The following ADGRL4 variants were observed in gnomAD, a reference collection of about 807,000 sequenced individuals.
ADGRL4 encodes adhesion G protein-coupled receptor L4.
Under a neutral mutation model 74.8 loss-of-function variants are expected in ADGRL4, and 90 were observed. That is an observed-to-expected ratio of 1.20 (90% CI 1.02 to 1.43). The LOEUF (loss-of-function observed/expected upper bound fraction) is 1.43, where lower values mean the gene tolerates loss of function less well. Among genes scored for constraint, ADGRL4 ranks in the 40% most tolerant of loss-of-function variants. The pLI is 0.00. For missense variants in ADGRL4, 881 were observed against 814.3 expected, an observed-to-expected ratio of 1.08 and a Z score of -1.00; for synonymous variants, 311 against 279.2, an observed-to-expected ratio of 1.11 and a Z score of -1.14.
intron 6 of ADGRL4, among the ~76,000 whole-genome samples, chr1:78,937,478 T>C (rs145922486): frequency 6.6e-6 from 1 of 152,188 alleles, no homozygotes; most frequent in Admixed American, 6.5e-5. Flanking sequence ...CAAAAGATCA[T>C]TGGTCAAGGT....
chr1:78,960,206 T>TA (rs376210192), intron 2 of ADGRL4, among the ~76,000 whole-genome samples: 1 of 152,174 alleles, frequency 6.6e-6, no homozygotes, highest in Non-Finnish European at 1.5e-5. Context: ...AATGTGGCTT[T>TA]AAAAAATCTG....
At chr1:78,917,726 CTA>C (rs1348123462) in intron 11 of ADGRL4, 26 bp from the exon 12 acceptor site, 2 of 1,593,768 alleles carry the variant, frequency 1.3e-6, no homozygotes. Flanking sequence ...AAGATAGAAT[CTA>C]TAAATATGTT....
chr1:78,955,175 G>A (rs1649803754), intron 2 of ADGRL4, among the ~76,000 whole-genome samples: 1 of 152,006 alleles, frequency 6.6e-6, no homozygotes, highest in African/African-American at 2.4e-5. Flanking sequence ...TTGAGATTAT[G>A]TATTTAAATA....
At chr1:78,940,090 A>G (rs1649445132) in intron 3 of ADGRL4, among the ~76,000 whole-genome samples, 1 of 152,138 alleles carries the variant, frequency 6.6e-6, no homozygotes, top group Non-Finnish European at 1.5e-5. Flanking sequence ...TCCATCATTG[A>G]TGATGTAACA....
chr1:78,941,996 G>A (rs1407339147), intron 3 of ADGRL4, among the ~76,000 whole-genome samples: 1 of 151,640 alleles, frequency 6.6e-6, no homozygotes, highest in African/African-American at 2.4e-5. Flanking sequence ...TCAGGAGATC[G>A]AGACCATCCT....
At chr1:78,953,165 A>G (rs1348173123) in intron 2 of ADGRL4, among the ~76,000 whole-genome samples, 2 of 152,202 alleles carry the variant, frequency 1.3e-5, no homozygotes, top group Non-Finnish European at 2.9e-5. Context: ...CATTGGAGAT[A>G]TGGAAAATTC....
intron 9 of ADGRL4, 27 bp from the exon 10 acceptor site, chr1:78,920,413 TA>T: frequency 7.1e-7 from 1 of 1,414,816 alleles, no homozygotes; most frequent in Non-Finnish European, 9.8e-7. Context: ...ATAAAGCAGT[TA>T]AAAGAATAAC....
intron 12 of ADGRL4, among the ~76,000 whole-genome samples, chr1:78,901,708 C>T (rs1648524454): frequency 6.6e-6 from 1 of 152,156 alleles, no homozygotes; most frequent in Non-Finnish European, 1.5e-5. Flanking sequence ...AGTGTTTGGT[C>T]ACCTATTGTC....
intron 8 of ADGRL4, among the ~76,000 whole-genome samples, chr1:78,924,728 G>A (rs765586108): frequency 3.3e-5 from 5 of 152,024 alleles, no homozygotes; most frequent in Admixed American, 2.6e-4. Context: ...TTAACACCAG[G>A]GAAATGATTG....
chr1:78,965,245 C>A (rs1212463638), intron 2 of ADGRL4, among the ~76,000 whole-genome samples: 1 of 152,008 alleles, frequency 6.6e-6, no homozygotes, highest in Non-Finnish European at 1.5e-5. Flanking sequence ...CCCAATAAAA[C>A]TAATTTGTAT....
intron 12 of ADGRL4, among the ~76,000 whole-genome samples, chr1:78,898,527 C>A (rs550260534): frequency 6.8e-6 from 1 of 147,876 alleles, no homozygotes; most frequent in South Asian, 2.1e-4. Flanking sequence ...TTTTTTTTAA[C>A]GATTTCAGAT....
intron 2 of ADGRL4, among the ~76,000 whole-genome samples, chr1:78,985,633 A>G (rs1332278434): frequency 6.6e-6 from 1 of 151,872 alleles, no homozygotes; most frequent in Non-Finnish European, 1.5e-5. Context: ...GACAAAAATT[A>G]TATATAACAA....
chr1:78,971,459 C>G (rs1394429818), intron 2 of ADGRL4, among the ~76,000 whole-genome samples: 1 of 152,076 alleles, frequency 6.6e-6, no homozygotes, highest in Non-Finnish European at 1.5e-5. Context: ...AGTTCACACC[C>G]TTTGCAGGGG....
chr1:78,956,610 T>C (rs1237312474), intron 2 of ADGRL4, among the ~76,000 whole-genome samples: 2 of 152,194 alleles, frequency 1.3e-5, no homozygotes, highest in Non-Finnish European at 2.9e-5. Flanking sequence ...AAATCTATTA[T>C]GCAAAACCAG....
intron 2 of ADGRL4, among the ~76,000 whole-genome samples, chr1:78,981,616 A>G (rs1464748922): frequency 6.6e-6 from 1 of 151,874 alleles, no homozygotes; most frequent in Non-Finnish European, 1.5e-5. Context: ...ACCTTATTTA[A>G]ACATATTAAC....
At chr1:78,973,080 T>C (rs939038811) in intron 2 of ADGRL4, among the ~76,000 whole-genome samples, 6 of 152,322 alleles carry the variant, frequency 3.9e-5, no homozygotes, top group African/African-American at 9.6e-5. Flanking sequence ...CTTTAACTCC[T>C]TTGTTTTCCT....
intron 2 of ADGRL4, among the ~76,000 whole-genome samples, chr1:78,973,611 TTAAA>T (rs1650216176): frequency 1.3e-5 from 2 of 149,238 alleles, no homozygotes; most frequent in South Asian, 4.2e-4. Context: ...ATATATTATC[TTAAA>T]TAATATAATT....
chr1:78,993,978 C>T (rs894404704), intron 2 of ADGRL4, among the ~76,000 whole-genome samples: 15 of 152,092 alleles, frequency 9.9e-5, no homozygotes, highest in Admixed American at 6.6e-5. Context: ...AGTAGCAAAG[C>T]GATTCTTGGG....
chr1:78,913,807 A>G (rs1036492780), intron 12 of ADGRL4, among the ~76,000 whole-genome samples: 1 of 151,926 alleles, frequency 6.6e-6, no homozygotes, highest in South Asian at 2.1e-4. Context: ...AAAACAAAGT[A>G]TAAATTAAAA....
Sources: allele counts gnomAD v4.1 joint callset (sites outside exome capture counted in the v4.1 genomes callset), GRCh38; gene constraint gnomAD v4.1.1; transcripts MANE v1.5; gene names NCBI Gene and HGNC (gene_info 2026-07-23, HGNC 2026-07-21).